ZNF592: variants seen among roughly 807,000 people sequenced by gnomAD.
ZNF592 encodes the protein spinocerebellar ataxia, autosomal recessive 5.
A neutral mutation model predicts 80.3 loss-of-function variants in ZNF592; 11 were observed. The ratio of observed to expected loss-of-function variants is 0.14; its 90% CI spans 0.09 to 0.23. The LOEUF (loss-of-function observed/expected upper bound fraction) is 0.23, where lower values mean the gene tolerates loss of function less well. Ranked by LOEUF, ZNF592 falls within the 10% of genes least tolerant of loss-of-function variation. ZNF592 has a pLI of 1.00. For missense variants in ZNF592, 1,420 were observed against 1,633.9 expected, an observed-to-expected ratio of 0.87 and a Z score of 2.26; for synonymous variants, 646 against 640.3, an observed-to-expected ratio of 1.01 and a Z score of -0.13.
chr15:84,768,603 A>T (rs1330226873), intron 2 of ZNF592, among the ~76,000 whole-genome samples: 3 of 152,088 alleles, frequency 2.0e-5, no homozygotes, highest in African/African-American at 7.2e-5. Flanking sequence ...TGGTTCTCAG[A>T]GCTAGCCTTT....
chr15:84,787,853 A>G (rs1487778695), intron 4 of ZNF592, among the ~76,000 whole-genome samples: 1 of 152,218 alleles, frequency 6.6e-6, no homozygotes, highest in Non-Finnish European at 1.5e-5. Context: ...TTTATGTTTC[A>G]TAAATATCTC....
intron 5 of ZNF592, among the ~76,000 whole-genome samples, chr15:84,792,401 G>A (rs577475621): frequency 2.6e-5 from 4 of 152,178 alleles, no homozygotes; most frequent in Admixed American, 1.3e-4. Flanking sequence ...AAGCTAACAC[G>A]TATATTAAAG....
rs373070885 is a variant in ZNF592 at position 84,783,942 on chromosome 15, G to C, written c.1267G>C (p.Gly423Arg). Residue 423 changes from glycine (G) to arginine (R), a missense_variant, in exon 4 of 11, where the codon GGG becomes CGG. Coordinates refer to ENST00000560079, the MANE Select transcript of ZNF592 (RefSeq NM_014630.3). The surrounding 1 kb of genome is among the most constrained non-coding windows in gnomAD (Gnocchi z 5.0). ...AIAEAPSEMP[G>R]DEVPVEEHFP... ...TGCAGAGGCCCCCAGCGAGATGCCAGGGGATGAGGTGCCTGTGGAAGAGCA... is the reference window on the plus strand; with the variant it reads ...TGCAGAGGCCCCCAGCGAGATGCCACGGGATGAGGTGCCTGTGGAAGAGCA... 8 of 1,613,892 alleles carry C rather than the reference G, an allele frequency of 5.0e-6. No homozygotes were observed. The highest frequency in any genetic ancestry group is 6.8e-6 in the Non-Finnish European group (8 of 1,179,844).
chr15:84,798,098 G>T lies in ZNF592; in HGVS notation c.2576+53G>T. ...CCTGTGGAGCAGAGAGGAGTAGCCT[G>T]GGTGCTGTAGGGGGTGGCATAGGGA... On this transcript the variant is annotated intron_variant, in intron 6 of 10. Coordinates refer to ENST00000560079, the MANE Select transcript of ZNF592 (RefSeq NM_014630.3). The surrounding 1 kb of genome is among the most constrained non-coding windows in gnomAD (Gnocchi z 4.5). The T allele has an allele frequency of 6.2e-7, 1 of 1,600,426 alleles. No homozygotes were observed. The highest frequency in any genetic ancestry group is 2.2e-5 in the East Asian group (1 of 44,538).
At position 84,799,319 on chromosome 15, in the gene ZNF592, A is replaced by G; in HGVS notation, c.3137+109A>G. On this transcript the variant is annotated intron_variant, in intron 9 of 10. Coordinates refer to ENST00000560079, the MANE Select transcript of ZNF592 (RefSeq NM_014630.3). The surrounding 1 kb of genome is among the most constrained non-coding windows in gnomAD (Gnocchi z 4.2). ...AGATCAGGTGTCTAAGACAAGAGAC[A>G]AGTGATTTCCAACTGGAAGAAATTG... 2 of 1,163,228 alleles carry G rather than the reference A, an allele frequency of 1.7e-6. No homozygotes were observed. Among genetic ancestry groups the G allele is most frequent in the Non-Finnish European group, 1.3e-6 (1 of 777,338 alleles). 72.1% of individuals were successfully genotyped at this position (1,163,228 alleles called of 1,614,324 possible).
intron 1 of ZNF592, among the ~76,000 whole-genome samples, chr15:84,762,204 G>T (rs562643382): frequency 6.6e-6 from 1 of 152,280 alleles, no homozygotes; most frequent in East Asian, 1.9e-4. Context: ...CTCTTATAGG[G>T]CTCATTCTGG....
Position 84,802,460 on chromosome 15 carries a change from G to T in ZNF592, c.*67G>T. On this transcript the variant is annotated 3_prime_UTR_variant, in exon 11 of 11. Transcript: ENST00000560079. ...GTGTCTTCCACCTGCCCTGCGGACC[G>T]TGGAAAATAAAAGGCTCTGCCCCCA... The T allele has an allele frequency of 6.4e-7, 1 of 1,570,656 alleles. No homozygotes were observed. The highest frequency in any genetic ancestry group is 8.7e-7 in the Non-Finnish European group (1 of 1,150,750).
chr15:84,777,957 C>G (rs2141980716), intron 2 of ZNF592, among the ~76,000 whole-genome samples: 1 of 152,258 alleles, frequency 6.6e-6, no homozygotes, highest in East Asian at 1.9e-4. Flanking sequence ...CTCGGCCTCC[C>G]AAAGTGCTGG....
chr15:84,760,410 A>G (rs982893012), intron 1 of ZNF592, among the ~76,000 whole-genome samples: 1 of 152,162 alleles, frequency 6.6e-6, no homozygotes, highest in Non-Finnish European at 1.5e-5. Flanking sequence ...CTGATGTCAT[A>G]TGAGGAGCCC....
chr15:84,793,721 T>G (rs182167943), intron 5 of ZNF592, among the ~76,000 whole-genome samples: 25 of 152,358 alleles, frequency 1.6e-4, no homozygotes, highest in Middle Eastern at 3.4e-3. Flanking sequence ...AGGCAATCGC[T>G]AATTTACTTT....
chr15:84,757,212 T>C (rs1899199894), intron 1 of ZNF592, among the ~76,000 whole-genome samples: 1 of 152,124 alleles, frequency 6.6e-6, no homozygotes, highest in East Asian at 1.9e-4. Context: ...CACCTTAGCT[T>C]CACAAAGTGC....
intron 2 of ZNF592, among the ~76,000 whole-genome samples, chr15:84,772,764 C>A (rs1479681993): frequency 6.6e-6 from 1 of 152,098 alleles, no homozygotes; most frequent in South Asian, 2.1e-4. Flanking sequence ...CACAGTTCAG[C>A]GTTCCTTAAA....
chr15:84,790,744 A>G lies in ZNF592; in HGVS notation c.2260A>G (p.Ser754Gly), dbSNP rs1397738002. 1 of 1,614,126 alleles carries G rather than the reference A, an allele frequency of 6.2e-7. No individual in the cohort carries two copies. The highest frequency in any genetic ancestry group is 8.5e-7 in the Non-Finnish European group (1 of 1,180,010). Residue 754 changes from serine (S) to glycine (G), a missense_variant, in exon 5 of 11, where the codon AGT becomes GGT. This residue lies in a region of ZNF592 where 524 missense variants were observed against 628.3 expected (regional missense o/e 0.83). Transcript: ENST00000560079. The part of the protein sequence containing the change: ...VCQMLLPNQC[S>G]FCAHQRIHAH... ...CCAAATGCTGCTGCCCAACCAGTGC[A>G]GTTTCTGTGCCCACCAGCGGATTCA... is the stretch of plus-strand genomic sequence containing the variant.
Position 84,783,604 on chromosome 15 carries a change from A to T in ZNF592, c.929A>T (p.Asp310Val), listed in dbSNP as rs1962489970. Residue 310 changes from aspartate to valine, a missense_variant, in exon 4 of 11, where the codon GAT (aspartate) becomes GTT (valine). Physicochemically the swap from Asp to Val is radical, Grantham distance 152. This residue lies in a region of ZNF592 where 373 missense variants were observed against 355.5 expected (regional missense o/e 1.05). Transcript: ENST00000560079. The surrounding 1 kb of genome is among the most constrained non-coding windows in gnomAD (Gnocchi z 5.0). ...GAGGATCAGCCTGGCCACACAAAGGATCTCTCAGGGCCCACTAAAGAGAGT... is the reference window on the plus strand; with the variant it reads ...GAGGATCAGCCTGGCCACACAAAGGTTCTCTCAGGGCCCACTAAAGAGAGT... Reference protein sequence around the residue: ...TKEDQPGHTKDLSGPTKESSK... With the variant: ...TKEDQPGHTKVLSGPTKESSK... 6.2e-6 allele frequency: 10 copies of T among 1,614,010 alleles called. No individual in the cohort carries two copies. In the Admixed American group the frequency reaches 1.5e-4, roughly 24 times the overall value.
chr15:84,788,371 T>G (rs1962647230), intron 4 of ZNF592, among the ~76,000 whole-genome samples: 2 of 152,218 alleles, frequency 1.3e-5, no homozygotes, highest in Admixed American at 6.5e-5. Flanking sequence ...TTCTTTCTCA[T>G]TTATTAGCTA....
chr15:84,799,173 A>C lies in ZNF592; in HGVS notation c.3100A>C (p.Asn1034His). ...CAACAGCCTGCGCAAACACATCCGC[A>C]ACAACCATGACACAGTAAAGAAGTT... ...TPNSLRKHIR[N>H]NHDTVKKFYT... Residue 1034 changes from asparagine (N) to histidine (H), a missense_variant, in exon 9 of 11, where the codon AAC (asparagine) becomes CAC (histidine). Transcript: ENST00000560079. The surrounding 1 kb of genome is among the most constrained non-coding windows in gnomAD (Gnocchi z 4.2). 6.2e-7 allele frequency: 1 copy of C among 1,614,120 alleles called. No homozygotes were observed. Among genetic ancestry groups the C allele is most frequent in the Non-Finnish European group, 8.5e-7 (1 of 1,179,990 alleles).
intron 2 of ZNF592, among the ~76,000 whole-genome samples, chr15:84,777,087 T>C (rs1226232240): frequency 1.3e-5 from 2 of 152,012 alleles, no homozygotes; most frequent in Admixed American, 1.3e-4. Context: ...TAGAGTCTTT[T>C]GTAAGAAGCT....
rs1163896625 is a variant in ZNF592, at chr15:84,756,319, C to T, written c.-259+7655C>T. 3.3e-5 allele frequency among the ~76,000 whole-genome samples: 5 copies of T among 152,212 alleles called. No homozygotes were observed. In the South Asian group the frequency reaches 8.3e-4, roughly 25 times the overall value. On this transcript the variant is annotated intron_variant, in intron 1 of 10. Transcript: ENST00000560079. The stretch of plus-strand genomic sequence containing the variant: ...GAGCCAGCAGAGTGGACTCTGGCTC[C>T]GCTTTTATTCCCCTGGTTTGCTGTA...
chr15:84,761,765 G>A (rs1052985020), intron 1 of ZNF592, among the ~76,000 whole-genome samples: 3 of 152,122 alleles, frequency 2.0e-5, no homozygotes, highest in Non-Finnish European at 4.4e-5. Context: ...GTGCTCTCAG[G>A]CTTTCTTCTG....
Sources: allele counts gnomAD v4.1 joint callset (sites outside exome capture counted in the v4.1 genomes callset), GRCh38; gene constraint gnomAD v4.1.1; regional missense constraint gnomAD v4.1.1; non-coding constraint Gnocchi (gnomAD v3.1); transcripts MANE v1.5; gene names NCBI Gene and HGNC (gene_info 2026-07-23, HGNC 2026-07-21).